Variants in DNAJC10 observed in about 807,000 individuals in gnomAD.
DNAJC10 encodes the protein endoplasmic reticulum disulfide reductase DNAJC10.
Under a neutral mutation model 115.0 loss-of-function variants are expected in DNAJC10, and 101 were observed. That is an observed-to-expected ratio of 0.88 (90% confidence interval 0.75 to 1.04). The LOEUF is 1.04. DNAJC10 is among the 50% of genes least tolerant of loss of function. The probability of loss-of-function intolerance (pLI) is 0.00; values close to 1 mark genes in which losing one functional copy is unlikely to be tolerated. For missense variants in DNAJC10, 981 were observed against 928.8 expected (o/e 1.06, Z -0.73); for synonymous variants, 307 against 301.5 (o/e 1.02, Z -0.19).
intron 11 of DNAJC10, among the ~76,000 whole-genome samples, chr2:182,739,341 T>C (rs1288460400): frequency 5.3e-5 from 8 of 151,290 alleles, no homozygotes; most frequent in Non-Finnish European, 1.2e-4. Context: ...TTTAGCCATA[T>C]GTTTGTTCTC....
Position 182,754,838 on chromosome 2 carries a change from A to T in DNAJC10, c.1552-165A>T, listed in dbSNP as rs116588559. 9.5e-3 allele frequency: 13,002 copies of T among 1,371,514 alleles called. 113 individuals are homozygous for T. Among genetic ancestry groups the T allele is most frequent in the Non-Finnish European group, 9.9e-3 (10,343 of 1,042,160 alleles). The allele number at this position is 1,371,514 out of a possible 1,614,324, so 85.0% of individuals were successfully genotyped here. ...TCAGTATTTAGCAGTATTCATCACC[A>T]TAAGTCCTTTGCTAAATTTGGTGAG... On this transcript the variant is annotated intron_variant, in intron 16 of 23. Transcript: ENST00000264065.
rs1042122930 is a variant in DNAJC10 at position 182,716,834 on chromosome 2, G to A, written c.-203-182G>A. Among the ~76,000 whole-genome samples the A allele has an allele frequency of 4.6e-5, 7 of 152,118 alleles. No individual in the cohort carries two copies. In the South Asian group the frequency reaches 1.4e-3, roughly 31 times the overall value. Reference sequence around the variant, plus strand: ...AAAGCTTGCGCCTTGCATTTACCTGGCGCTTCCACCTGCCCGGTAGCTCGG... The same window carrying A: ...AAAGCTTGCGCCTTGCATTTACCTGACGCTTCCACCTGCCCGGTAGCTCGG... On this transcript the variant is annotated intron_variant, in intron 1 of 23. Coordinates refer to ENST00000264065, the MANE Select transcript of DNAJC10 (RefSeq NM_018981.4).
rs1693049494 is a variant in DNAJC10, at chr2:182,718,238, TA to T, written c.154del (p.Arg52AspfsTer9). 1 of 1,612,698 alleles carries T rather than the reference TA, an allele frequency of 6.2e-7. No individual in the cohort carries two copies. Among genetic ancestry groups the T allele is most frequent in the Non-Finnish European group, 8.5e-7 (1 of 1,179,586 alleles). The part of the protein sequence containing the change: ...GVSKTASSRE[I>X]RQAFKKLALK... ...TCCAAAACTGCAAGCAGTAGAGAAA[TA>T]AGACAAGCTTTCAAGAAATTGGCAT... On this transcript the variant is annotated frameshift_variant, in exon 3 of 24. Coordinates refer to ENST00000264065, the MANE Select transcript of DNAJC10 (RefSeq NM_018981.4). LOFTEE classifies it high-confidence loss of function.
chr2:182,739,698 A>T, intron 11 of DNAJC10: 2 of 1,031,776 alleles, frequency 1.9e-6, no homozygotes, highest in Non-Finnish European at 2.3e-6. Flanking sequence ...AAACAAGTTT[A>T]AGATAAGATC....
intron 11 of DNAJC10, among the ~76,000 whole-genome samples, chr2:182,736,758 G>GT (rs780598837): frequency 1.5e-4 from 23 of 151,552 alleles, no homozygotes; most frequent in Non-Finnish European, 2.1e-4. Context: ...TGTTTATTTT[G>GT]TTTTTTTTGA....
In DNAJC10 at chr2:182,794,089, A is replaced by T. The variant is rs1695100886; in HGVS notation, c.*16957A>T. The T allele has an allele frequency of 6.6e-6, 1 of 152,218 alleles. No individual in the cohort carries two copies. The highest frequency in any genetic ancestry group is 2.4e-5 in the African/African-American group (1 of 41,452). The allele number at this position is 152,218 out of a possible 1,614,324, so 9.4% of individuals were successfully genotyped here. A position where few individuals can be genotyped will look rare whatever the true frequency, so the allele number is the denominator to read the frequency against. Reference sequence around the variant, plus strand: ...AAGGCATAAACAACAATGCATGGGGATCCAAGAAACAGTGACTCCAACCCA... The same window carrying T: ...AAGGCATAAACAACAATGCATGGGGTTCCAAGAAACAGTGACTCCAACCCA... On this transcript the variant is annotated 3_prime_UTR_variant, in exon 24 of 24. Transcript: ENST00000264065.
intron 14 of DNAJC10, among the ~76,000 whole-genome samples, chr2:182,744,947 C>T (rs550800204): frequency 6.6e-6 from 1 of 152,286 alleles, no homozygotes; most frequent in Non-Finnish European, 1.5e-5. Flanking sequence ...GTGCTTACTG[C>T]TTTGTTTCAG....
At chr2:182,753,287 A>G (rs1424488597) in intron 16 of DNAJC10, among the ~76,000 whole-genome samples, 2 of 152,168 alleles carry the variant, frequency 1.3e-5, no homozygotes, top group African/African-American at 4.8e-5. Context: ...AACTCATAAA[A>G]AATAAAATGT....
intron 10 of DNAJC10, among the ~76,000 whole-genome samples, chr2:182,732,943 C>G (rs534310809): frequency 1.2e-3 from 178 of 151,984 alleles, no homozygotes; most frequent in African/African-American, 3.9e-3. Flanking sequence ...TTGAAATACC[C>G]TTTGTGGCTT....
At chr2:182,766,907 T>G (rs2105696549) in intron 22 of DNAJC10, among the ~76,000 whole-genome samples, 1 of 152,178 alleles carries the variant, frequency 6.6e-6, no homozygotes, top group Non-Finnish European at 1.5e-5. Context: ...CCTTTAAGGT[T>G]GGAGGAAAGA....
intron 22 of DNAJC10, among the ~76,000 whole-genome samples, chr2:182,766,986 T>C (rs1021525764): frequency 6.6e-6 from 1 of 152,064 alleles, no homozygotes; most frequent in Non-Finnish European, 1.5e-5. Flanking sequence ...AGAAAAAATA[T>C]ACTCCTTATG....
chr2:182,724,811 T>C (rs180763209), intron 5 of DNAJC10, among the ~76,000 whole-genome samples: 1 of 152,188 alleles, frequency 6.6e-6, no homozygotes, highest in Non-Finnish European at 1.5e-5. Flanking sequence ...GCTGTGATGA[T>C]ACAGTATTTA....
intron 10 of DNAJC10, among the ~76,000 whole-genome samples, chr2:182,734,493 T>A (rs970719268): frequency 1.3e-5 from 2 of 151,732 alleles, no homozygotes; most frequent in Non-Finnish European, 3.0e-5. Context: ...GCCCAACATA[T>A]GGTAAATTTT....
At chr2:182,739,303 T>A (rs1302569265) in intron 11 of DNAJC10, among the ~76,000 whole-genome samples, 3 of 149,774 alleles carry the variant, frequency 2.0e-5, no homozygotes, top group Non-Finnish European at 4.4e-5. Context: ...AAAACCTGAA[T>A]TTTTATTCTT....
In DNAJC10 at chr2:182,782,546, C is replaced by T. The variant is rs1231570610; in HGVS notation, c.*5414C>T. ...TTTCACAATATTAATTCTTCCTATCCATGAGCATGGAATGCTTTTTCCATT... is the reference window on the plus strand; with the variant it reads ...TTTCACAATATTAATTCTTCCTATCTATGAGCATGGAATGCTTTTTCCATT... On this transcript the variant is annotated 3_prime_UTR_variant, in exon 24 of 24. Coordinates refer to ENST00000264065, the MANE Select transcript of DNAJC10 (RefSeq NM_018981.4). 1 of 152,086 alleles carries T rather than the reference C, an allele frequency of 6.6e-6. No individual in the cohort carries two copies. The highest frequency in any genetic ancestry group is 1.5e-5 in the Non-Finnish European group (1 of 68,022). The allele number at this position is 152,086 out of a possible 1,614,324, so 9.4% of individuals were successfully genotyped here. A position where few individuals can be genotyped will look rare whatever the true frequency, so the allele number is the denominator to read the frequency against.
rs1192335325 is a variant in DNAJC10, at chr2:182,787,426, T to G, written c.*10294T>G. The G allele has an allele frequency of 6.6e-6, 1 of 152,198 alleles. No homozygotes were observed. Among genetic ancestry groups the G allele is most frequent in the East Asian group, 1.9e-4 (1 of 5,198 alleles). 9.4% of individuals were successfully genotyped at this position (152,198 alleles called of 1,614,324 possible). On this transcript the variant is annotated 3_prime_UTR_variant, in exon 24 of 24. Coordinates refer to ENST00000264065, the MANE Select transcript of DNAJC10 (RefSeq NM_018981.4). The stretch of plus-strand genomic sequence containing the variant: ...TATAAGCTCTGCTATTCAAGAAGTT[T>G]ATACAAACCCGTAATGTACTACCAA...
chr2:182,728,530 C>T (rs545296821), intron 5 of DNAJC10, 46 bp from the exon 6 acceptor site: 2 of 1,411,840 alleles, frequency 1.4e-6, no homozygotes, highest in Admixed American at 1.8e-5. Context: ...TATGCATGAA[C>T]CTTTAATAAA....
chr2:182,748,505 A>G (rs1329187910), intron 14 of DNAJC10, among the ~76,000 whole-genome samples: 1 of 152,126 alleles, frequency 6.6e-6, no homozygotes, highest in African/African-American at 2.4e-5. Flanking sequence ...TAGATTTTCT[A>G]GTTTATTTGC....
intron 11 of DNAJC10, chr2:182,739,704 A>G (rs1693683643): frequency 9.8e-7 from 1 of 1,018,904 alleles, no homozygotes; most frequent in Non-Finnish European, 1.2e-6. Flanking sequence ...GTTTAAGATA[A>G]GATCTGTATC....
Sources: gnomAD v4.1 joint callset for allele counts (sites outside exome capture counted in the v4.1 genomes callset) on GRCh38, gnomAD v4.1.1 for gene constraint, MANE v1.5 for transcripts, NCBI Gene and HGNC (gene_info 2026-07-23, HGNC 2026-07-21) for gene names.